The following SNTG1 variants were observed in gnomAD, a reference collection of about 807,000 sequenced individuals.
SNTG1 encodes the protein syntrophin gamma 1.
Under a neutral mutation model 74.7 loss-of-function variants are expected in SNTG1, and 39 were observed. That is an observed-to-expected ratio of 0.52 (90% confidence interval 0.40 to 0.68). The LOEUF (loss-of-function observed/expected upper bound fraction) is 0.68, where lower values mean the gene tolerates loss of function less well. Ranked by LOEUF, SNTG1 falls within the 30% of genes least tolerant of loss-of-function variation. SNTG1 has a pLI of 0.00. For synonymous variants in SNTG1, 254 were observed against 217.1 expected, an observed-to-expected ratio of 1.17 and a Z score of -1.49; for missense variants, 685 against 609.5, an observed-to-expected ratio of 1.12 and a Z score of -1.30.
At chr8:50,069,410 C>T (rs1821162839) in intron 1 of SNTG1, among the ~76,000 whole-genome samples, 1 of 151,974 alleles carries the variant, frequency 6.6e-6, no homozygotes, top group Non-Finnish European at 1.5e-5. Context: ...TAAAACAATT[C>T]AGTGATCATA....
At chr8:50,642,079 T>C (rs1045185427) in intron 13 of SNTG1, among the ~76,000 whole-genome samples, 1 of 152,204 alleles carries the variant, frequency 6.6e-6, no homozygotes, top group South Asian at 2.1e-4. Flanking sequence ...CCTGGTTTTA[T>C]CTCCAAAGCA....
At chr8:50,227,716 G>A (rs1011029750) in intron 2 of SNTG1, among the ~76,000 whole-genome samples, 11 of 151,158 alleles carry the variant, frequency 7.3e-5, no homozygotes, top group East Asian at 3.9e-4. Flanking sequence ...ACAAGTCATC[G>A]GAGAAGCCAA....
chr8:50,566,208 T>A (rs2094516115), intron 12 of SNTG1, among the ~76,000 whole-genome samples: 1 of 151,956 alleles, frequency 6.6e-6, no homozygotes, highest in African/African-American at 2.4e-5. Flanking sequence ...GTCATTACTG[T>A]TGAAAGGTTT....
At chr8:50,364,586 C>A (rs1563945698) in intron 2 of SNTG1, among the ~76,000 whole-genome samples, 2 of 151,966 alleles carry the variant, frequency 1.3e-5, no homozygotes, top group African/African-American at 4.8e-5. Context: ...ATAGCATTTT[C>A]TCTGAGACAT....
At chr8:50,055,970 C>T (rs559006252) in intron 1 of SNTG1, among the ~76,000 whole-genome samples, 26 of 152,126 alleles carry the variant, frequency 1.7e-4, no homozygotes, top group South Asian at 1.7e-3. Context: ...CTATTTGACC[C>T]CATTTTTCTA....
chr8:50,487,701 G>GC (rs1554544258), intron 8 of SNTG1, among the ~76,000 whole-genome samples: 5 of 151,196 alleles, frequency 3.3e-5, no homozygotes, highest in Admixed American at 2.6e-4. Context: ...GTCGGAGGGG[G>GC]GGGAGGGATA....
At chr8:50,180,916 A>G (rs951769306) in intron 2 of SNTG1, among the ~76,000 whole-genome samples, 3 of 151,922 alleles carry the variant, frequency 2.0e-5, no homozygotes, top group Non-Finnish European at 4.4e-5. Context: ...GCACGCCACC[A>G]TGCCTGGCTA....
chr8:50,722,030 A>G (rs146596732), intron 17 of SNTG1, among the ~76,000 whole-genome samples: 3,798 of 152,166 alleles, frequency 0.025, 63 homozygotes, highest in Middle Eastern at 0.041. Context: ...CATTCTCTTA[A>G]TATGAAAAAT....
intron 18 of SNTG1, among the ~76,000 whole-genome samples, chr8:50,780,435 C>A (rs1038812534): frequency 1.3e-5 from 2 of 151,982 alleles, no homozygotes; most frequent in East Asian, 1.9e-4. Context: ...GTCTTGGTAG[C>A]GTGTATGTGT....
At chr8:50,713,720 A>T (rs1286810493) in intron 17 of SNTG1, among the ~76,000 whole-genome samples, 1 of 152,142 alleles carries the variant, frequency 6.6e-6, no homozygotes, top group East Asian at 1.9e-4. Flanking sequence ...GTCCAGTTTC[A>T]GTTTCATGCA....
intron 2 of SNTG1, among the ~76,000 whole-genome samples, chr8:50,341,463 A>T (rs1216596433): frequency 1.3e-5 from 2 of 151,966 alleles, no homozygotes; most frequent in Non-Finnish European, 2.9e-5. Context: ...TTATTAATTT[A>T]TTCAACAAAT....
At chr8:50,207,187 C>A (rs549147986) in intron 2 of SNTG1, among the ~76,000 whole-genome samples, 3 of 152,136 alleles carry the variant, frequency 2.0e-5, no homozygotes, top group African/African-American at 7.2e-5. Context: ...CTGTGAATCC[C>A]TCTGGTCCTG....
chr8:50,602,586 T>A (rs1409966914), intron 13 of SNTG1, among the ~76,000 whole-genome samples: 3 of 152,232 alleles, frequency 2.0e-5, no homozygotes, highest in Non-Finnish European at 4.4e-5. Context: ...GTTTGCTTAC[T>A]ATTACTAGTG....
At chr8:50,654,693 T>C (rs147037489) in intron 13 of SNTG1, among the ~76,000 whole-genome samples, 76 of 152,326 alleles carry the variant, frequency 5.0e-4, no homozygotes, top group Non-Finnish European at 7.1e-4. Context: ...GTAATGTTAT[T>C]GTCATCCAGA....
At chr8:50,398,243 C>G (rs1387330570) in intron 3 of SNTG1, among the ~76,000 whole-genome samples, 1 of 152,244 alleles carries the variant, frequency 6.6e-6, no homozygotes, top group Non-Finnish European at 1.5e-5. Context: ...AACATATTAT[C>G]TCCTTGCTCA....
intron 1 of SNTG1, among the ~76,000 whole-genome samples, chr8:50,137,720 G>T (rs2081520769): frequency 6.6e-6 from 1 of 152,136 alleles, no homozygotes. Flanking sequence ...AGATCTGTGG[G>T]GAAGATTCCA....
At chr8:50,590,772 G>A in intron 12 of SNTG1, 107 bp from the exon 13 acceptor site, 1 of 601,450 alleles carries the variant, frequency 1.7e-6, no homozygotes, top group Non-Finnish European at 2.8e-6. Context: ...ATCAAAATAG[G>A]ATATTAGTAT....
Position 50,792,952 on chromosome 8 carries a change from G to T in SNTG1, c.*123G>T. The T allele has an allele frequency of 1.8e-6, 2 of 1,141,464 alleles. No homozygotes were observed. The highest frequency in any genetic ancestry group is 2.4e-6 in the Non-Finnish European group (2 of 839,886). The allele number at this position is 1,141,464 out of a possible 1,614,324, so 70.7% of individuals were successfully genotyped here. On this transcript the variant is annotated 3_prime_UTR_variant, in exon 19 of 19. Coordinates refer to ENST00000642720, the MANE Select transcript of SNTG1 (RefSeq NM_018967.5). ...GACAGTGGAGGCAAATCAAAATTTC[G>T]GCAGAAAAAGAAGGTCATGTGGAAC... is the stretch of plus-strand genomic sequence containing the variant.
chr8:50,450,821 A>AGATATG, intron 8 of SNTG1, 92 bp downstream of exon 8: 1 of 1,259,680 alleles, frequency 7.9e-7, no homozygotes, highest in Non-Finnish European at 1.1e-6. Flanking sequence ...TTCATTAGGC[A>AGATATG]GATATGACAT....
Sources: allele counts gnomAD v4.1 joint callset (sites outside exome capture counted in the v4.1 genomes callset), GRCh38; gene constraint gnomAD v4.1.1; transcripts MANE v1.5; gene names NCBI Gene and HGNC (gene_info 2026-07-23, HGNC 2026-07-21).